Variants in ITSN2 observed in about 807,000 individuals in gnomAD.
ITSN2 encodes the protein intersectin-2.
A neutral mutation model predicts 243.7 loss-of-function variants in ITSN2; 156 were observed. That is an observed-to-expected ratio of 0.64 (90% CI 0.56 to 0.73). The LOEUF (loss-of-function observed/expected upper bound fraction) is 0.73. Ranked by LOEUF, ITSN2 falls within the 30% of genes least tolerant of loss-of-function variation. ITSN2 has a pLI of 0.00. For synonymous variants in ITSN2, 703 were observed against 699.9 expected, an observed-to-expected ratio of 1.00 and a Z score of -0.07; for missense variants, 1,801 against 1,996.1, an observed-to-expected ratio of 0.90 and a Z score of 1.86.
At chr2:24,241,997 A>ACC (rs939246539) in intron 29 of ITSN2, 4 of 152,722 alleles carry the variant, frequency 2.6e-5, no homozygotes, top group Admixed American at 2.0e-4. Context: ...CCACACAAAG[A>ACC]CCCACTATCC....
intron 16 of ITSN2, among the ~76,000 whole-genome samples, chr2:24,285,981 C>T (rs555985916): frequency 1.2e-3 from 177 of 151,952 alleles, no homozygotes; most frequent in African/African-American, 4.1e-3. Flanking sequence ...ACAAACAGCA[C>T]ATAGTCATCA....
intron 29 of ITSN2, chr2:24,221,446 A>C (rs911490456): frequency 6.0e-6 from 1 of 166,924 alleles, no homozygotes; most frequent in South Asian, 1.6e-4. Context: ...GTGGGTCATT[A>C]TATCATTTTG....
chr2:24,345,209 A>T (rs1687413378), intron 1 of ITSN2, among the ~76,000 whole-genome samples: 1 of 152,304 alleles, frequency 6.6e-6, no homozygotes, highest in African/African-American at 2.4e-5. Flanking sequence ...GTGTGGTTCT[A>T]TAGGATCTTT....
chr2:24,208,594 T>G (rs9917402), intron 36 of ITSN2, among the ~76,000 whole-genome samples: 133,530 of 152,184 alleles, frequency 0.88, 59,580 homozygotes, highest in Non-Finnish European at 0.95. Context: ...ATGATACCTG[T>G]CACGAGGGGT....
rs187054663 is a variant in ITSN2, at chr2:24,203,894, T to A, written c.4937-111A>T. On this transcript the variant is annotated intron_variant, in intron 39 of 39. Coordinates refer to ENST00000355123, the MANE Select transcript of ITSN2 (RefSeq NM_006277.3). The stretch of plus-strand genomic sequence containing the variant: ...AACCTTCAAATCTGAAACAAGGAAC[T>A]TCTTTTGGCTCATGGCTGTTGAATG... 255 of 1,178,106 alleles carry A rather than the reference T, an allele frequency of 2.2e-4. 1 individual carries two copies. The African/African-American group carries it at 3.7e-3, about 17-fold the overall frequency. 73.0% of individuals were successfully genotyped at this position (1,178,106 alleles called of 1,614,324 possible). A position where few individuals can be genotyped will look rare whatever the true frequency, so the allele number is the denominator to read the frequency against.
At chr2:24,321,133 C>T (rs1684526559) in intron 2 of ITSN2, among the ~76,000 whole-genome samples, 1 of 152,174 alleles carries the variant, frequency 6.6e-6, no homozygotes, top group African/African-American at 2.4e-5. Context: ...CAGACTATCT[C>T]TGAGGATGTC....
At position 24,204,400 on chromosome 2, in the gene ITSN2, C is replaced by T; in HGVS notation, c.4781G>A (p.Cys1594Tyr). 3 of 1,614,080 alleles carry T rather than the reference C, an allele frequency of 1.9e-6. No individual in the cohort carries two copies. The highest frequency in any genetic ancestry group is 2.5e-6 in the Non-Finnish European group (3 of 1,179,992). ...GCTCTGGGAGCCCATGCTGATTTCA[C>T]AGTATGGGTTGCTCTTTCCTGAACA... ...CKPNGKSNPY[C>Y]EISMGSQSYT... Residue 1594 changes from cysteine (C) to tyrosine (Y), a missense_variant, in exon 39 of 40, where the codon TGT (cysteine) becomes TAT (tyrosine). This residue lies in a region of ITSN2 where 928 missense variants were observed against 1,065.4 expected (regional missense o/e 0.87). Transcript: ENST00000355123. The surrounding 1 kb of genome is among the most constrained non-coding windows in gnomAD (Gnocchi z 5.1).
At chr2:24,245,625 C>T (rs917793607) in intron 29 of ITSN2, among the ~76,000 whole-genome samples, 5 of 152,026 alleles carry the variant, frequency 3.3e-5, no homozygotes, top group South Asian at 2.1e-4. Context: ...ACTACAAGCA[C>T]GTGCCACCAC....
intron 35 of ITSN2, 95 bp from the exon 36 acceptor site, chr2:24,209,316 T>C (rs1250490082): frequency 2.0e-5 from 29 of 1,477,572 alleles, no homozygotes; most frequent in Non-Finnish European, 9.3e-7. Flanking sequence ...CTGAAGAGCC[T>C]TGTTGAGAAG....
chr2:24,345,210 T>C (rs1290675017), intron 1 of ITSN2, among the ~76,000 whole-genome samples: 2 of 152,208 alleles, frequency 1.3e-5, no homozygotes, highest in South Asian at 2.1e-4. Flanking sequence ...TGTGGTTCTA[T>C]AGGATCTTTA....
At position 24,271,784 on chromosome 2, in the gene ITSN2, T is replaced by G. The variant is rs753298525; in HGVS notation, c.2239A>C (p.Lys747Gln). ...EKQRKDKDTLKAEEKKRETAS... is the reference protein window; with the variant it reads ...EKQRKDKDTLQAEEKKRETAS... ...TCCTTACGTTTTTTCTCCTCAGCTTTCAAAGTATCCTTATCCTTACGTTGT... is the reference window on the plus strand; with the variant it reads ...TCCTTACGTTTTTTCTCCTCAGCTTGCAAAGTATCCTTATCCTTACGTTGT... The change falls in exon 19 of 40, where the codon AAA becomes CAA. Residue 747 changes from lysine to glutamine, a missense_variant. Transcript: ENST00000355123. 6.3e-7 allele frequency: 1 copy of G among 1,586,964 alleles called. No homozygotes were observed. The highest frequency in any genetic ancestry group is 1.9e-5 in the Admixed American group (1 of 53,330).
chr2:24,342,820 G>C (rs1430345663), intron 1 of ITSN2, among the ~76,000 whole-genome samples: 1 of 152,062 alleles, frequency 6.6e-6, no homozygotes, highest in African/African-American at 2.4e-5. Context: ...GCCTGGCACA[G>C]TGGCTCATGC....
intron 25 of ITSN2, among the ~76,000 whole-genome samples, chr2:24,251,233 G>T (rs1438050610): frequency 1.4e-5 from 2 of 145,038 alleles, no homozygotes; most frequent in Admixed American, 1.4e-4. Context: ...GCTAAGGCAC[G>T]AGAATTGCTT....
At chr2:24,205,541 C>T (rs1668776996) in intron 37 of ITSN2, 5 of 449,378 alleles carry the variant, frequency 1.1e-5, no homozygotes, top group Non-Finnish European at 2.1e-5. Context: ...CTTCAAGATG[C>T]AGGTCTGATC....
rs923484978 is a variant in ITSN2 at position 24,205,465 on chromosome 2, C to G, written c.4679-168G>C. 1.7e-5 allele frequency: 10 copies of G among 578,984 alleles called. No homozygotes were observed. In the South Asian group the frequency reaches 1.9e-4, roughly 11 times the overall value. 35.9% of individuals were successfully genotyped at this position (578,984 alleles called of 1,614,324 possible). A position where few individuals can be genotyped will look rare whatever the true frequency, so the allele number is the denominator to read the frequency against. On this transcript the variant is annotated intron_variant, in intron 37 of 39. Transcript: ENST00000355123. ...GCCTTTCCCCAGGCTGTGTTGCCTG[C>G]TAGGAAGCCCCTGCTTGCTCTTTCT...
At chr2:24,289,453 G>C (rs1679956359) in intron 15 of ITSN2, among the ~76,000 whole-genome samples, 1 of 152,218 alleles carries the variant, frequency 6.6e-6, no homozygotes, top group Middle Eastern at 3.4e-3. Context: ...TGCTGATTTT[G>C]TGTCCTACAA....
chr2:24,352,998 T>A (rs1051826136), intron 1 of ITSN2, among the ~76,000 whole-genome samples: 1 of 152,208 alleles, frequency 6.6e-6, no homozygotes, highest in African/African-American at 2.4e-5. Flanking sequence ...ATGCTTCACT[T>A]TCAAGTAAAA....
In ITSN2 at chr2:24,211,035, T is replaced by A; in HGVS notation, c.4090-88A>T. ...TCGCAGGACCGCTCCTCCAACCCCA[T>A]GTTATGGACTGCTTCCATGCCCTGG... On this transcript the variant is annotated intron_variant, in intron 33 of 39. Coordinates refer to ENST00000355123, the MANE Select transcript of ITSN2 (RefSeq NM_006277.3). The surrounding 1 kb of genome is among the most constrained non-coding windows in gnomAD (Gnocchi z 4.1). 7.9e-7 allele frequency: 1 copy of A among 1,258,462 alleles called. No homozygotes were observed. The highest frequency in any genetic ancestry group is 1.1e-6 in the Non-Finnish European group (1 of 884,586). 78.0% of individuals were successfully genotyped at this position (1,258,462 alleles called of 1,614,324 possible).
intron 31 of ITSN2, 21 bp downstream of exon 31, chr2:24,217,886 C>A (rs770299512): frequency 1.3e-6 from 2 of 1,555,866 alleles, no homozygotes; most frequent in African/African-American, 1.4e-5. Context: ...GCGGCAATGA[C>A]AGGTGATGCT....
Sources: allele counts gnomAD v4.1 joint callset (sites outside exome capture counted in the v4.1 genomes callset), GRCh38; gene constraint gnomAD v4.1.1; regional missense constraint gnomAD v4.1.1; non-coding constraint Gnocchi (gnomAD v3.1); transcripts MANE v1.5; gene names NCBI Gene and HGNC (gene_info 2026-07-23, HGNC 2026-07-21).